BCAS3: variants seen among roughly 807,000 people sequenced by gnomAD.
The protein encoded by BCAS3 is BCAS4/BCAS3 fusion.
A neutral mutation model predicts 116.1 loss-of-function variants in BCAS3; 53 were observed. The observed-to-expected ratio is 0.46, with a 90% CI of 0.37 to 0.57. The LOEUF is 0.57. BCAS3 is among the 20% of genes least tolerant of loss of function. The pLI is 0.00. For missense variants in BCAS3, 917 were observed against 1,165.4 expected, an observed-to-expected ratio of 0.79 and a Z score of 3.10; for synonymous variants, 391 against 408.2, an observed-to-expected ratio of 0.96 and a Z score of 0.51.
chr17:60,918,342 TA>T (rs1161874045), intron 12 of BCAS3, among the ~76,000 whole-genome samples: 6 of 152,200 alleles, frequency 3.9e-5, no homozygotes, highest in African/African-American at 1.4e-4. Context: ...ATTTTTGGGG[TA>T]CATGTGATAT....
At position 61,282,865 on chromosome 17, in the gene BCAS3, G is replaced by A. The variant is rs1372371975; in HGVS notation, c.2426-85462G>A. ...AGGGAAATGCACAGAGCTTAAATGT[G>A]CAAGTAATTAAATGAGTTTTAGTGA... On this transcript the variant is annotated intron_variant, in intron 22 of 23. Transcript: ENST00000407086. The surrounding 1 kb of genome is among the most constrained non-coding windows in gnomAD (Gnocchi z 5.9). Among the ~76,000 whole-genome samples, 1 of 151,774 alleles carries A rather than the reference G, an allele frequency of 6.6e-6. No homozygotes were observed. The highest frequency in any genetic ancestry group is 2.4e-5 in the African/African-American group (1 of 41,322).
intron 5 of BCAS3, among the ~76,000 whole-genome samples, chr17:60,710,186 A>G (rs7215887): frequency 0.07 from 10,694 of 152,212 alleles, 1,259 homozygotes; most frequent in African/African-American, 0.24. Flanking sequence ...AGTTGAATTT[A>G]TACCTTTAAT....
At chr17:60,804,648 A>AT (rs550840657) in intron 6 of BCAS3, among the ~76,000 whole-genome samples, 6 of 151,366 alleles carry the variant, frequency 4.0e-5, no homozygotes, top group African/African-American at 1.5e-4. Context: ...TTGTAACTTG[A>AT]TTTTTTTTCA....
At chr17:60,747,838 A>G (rs2042134704) in intron 6 of BCAS3, among the ~76,000 whole-genome samples, 1 of 152,110 alleles carries the variant, frequency 6.6e-6, no homozygotes, top group South Asian at 2.1e-4. Flanking sequence ...GCTTTAATAG[A>G]GAATACTTCT....
chr17:60,859,966 G>A (rs1439559512), intron 7 of BCAS3, among the ~76,000 whole-genome samples: 1 of 152,178 alleles, frequency 6.6e-6, no homozygotes, highest in Non-Finnish European at 1.5e-5. Flanking sequence ...GAACATAGGA[G>A]TGCATGTGTC....
In BCAS3 at chr17:61,161,933, C is replaced by G. The variant is rs1318529736; in HGVS notation, c.2425+77369C>G. 1.3e-5 allele frequency among the ~76,000 whole-genome samples: 2 copies of G among 152,194 alleles called. No homozygotes were observed. Among genetic ancestry groups the G allele is most frequent in the Non-Finnish European group, 2.9e-5 (2 of 68,038 alleles). ...GGTCAGAATTCAATTATATTACTCT[C>G]TCTGAGGCAAAAAGCACACATTTAA... On this transcript the variant is annotated intron_variant, in intron 22 of 23. Coordinates refer to ENST00000407086, the MANE Select transcript of BCAS3 (RefSeq NM_017679.5). This position sits in a 1 kb window ranked among gnomAD's most constrained non-coding sequence, Gnocchi z 4.8.
chr17:60,755,032 G>T (rs898443899), intron 6 of BCAS3, among the ~76,000 whole-genome samples: 1 of 152,124 alleles, frequency 6.6e-6, no homozygotes, highest in African/African-American at 2.4e-5. Context: ...CAGGTAAATT[G>T]TAACTTGAGA....
Position 60,678,131 on chromosome 17 carries a change from G to A in BCAS3, c.-6+217G>A, listed in dbSNP as rs532841186. 2.0e-3 allele frequency among the ~76,000 whole-genome samples: 304 copies of A among 152,330 alleles called. 1 individual carries two copies. Among genetic ancestry groups the A allele is most frequent in the African/African-American group, 7.2e-3 (299 of 41,578 alleles). On this transcript the variant is annotated intron_variant, in intron 1 of 23. Transcript: ENST00000407086. ...GGCAGCGCCGTACGAGTGTCTTTCA[G>A]GAGACTGGGGCCTGAGTGGCTGGCG...
rs963346485 is a variant in BCAS3, at chr17:61,324,143, C to T, written c.2426-44184C>T. 1.3e-5 allele frequency among the ~76,000 whole-genome samples: 2 copies of T among 152,208 alleles called. No individual in the cohort carries two copies. Among genetic ancestry groups the T allele is most frequent in the African/African-American group, 4.8e-5 (2 of 41,448 alleles). On this transcript the variant is annotated intron_variant, in intron 22 of 23. Coordinates refer to ENST00000407086, the MANE Select transcript of BCAS3 (RefSeq NM_017679.5). The surrounding 1 kb of genome is among the most constrained non-coding windows in gnomAD (Gnocchi z 4.6). ...GACTCTTCCCATCAGGCTGCAAACT[C>T]CTCCAGAGGCAGGGACCCCATCCTT...
At chr17:61,142,051 T>C (rs1392376715) in intron 22 of BCAS3, among the ~76,000 whole-genome samples, 7 of 152,154 alleles carry the variant, frequency 4.6e-5, no homozygotes, top group Admixed American at 3.3e-4. Flanking sequence ...ATACACCTTC[T>C]CATTTATTGG....
At chr17:60,722,076 A>G (rs2039301397) in intron 5 of BCAS3, among the ~76,000 whole-genome samples, 1 of 152,194 alleles carries the variant, frequency 6.6e-6, no homozygotes, top group Admixed American at 6.6e-5. Flanking sequence ...ATATGAATAC[A>G]ATAAATTTTG....
At chr17:61,252,520 G>A (rs1232704388) in intron 22 of BCAS3, among the ~76,000 whole-genome samples, 2 of 151,890 alleles carry the variant, frequency 1.3e-5, no homozygotes, top group African/African-American at 2.4e-5. Context: ...CAGAGGGGCC[G>A]GAGGCAGGCA....
chr17:60,680,127 C>CT (rs1179219859), intron 2 of BCAS3, among the ~76,000 whole-genome samples: 2 of 87,304 alleles, frequency 2.3e-5, no homozygotes, highest in Non-Finnish European at 4.4e-5. Flanking sequence ...CAGCAAGACT[C>CT]TGTCTCCAAA....
chr17:60,996,897 C>G (rs58692065), intron 15 of BCAS3, among the ~76,000 whole-genome samples: 1 of 150,472 alleles, frequency 6.6e-6, no homozygotes, highest in African/African-American at 2.5e-5. Context: ...ATTCTACTGA[C>G]AGATCAATGA....
chr17:60,983,772 T>G (rs1006596515), intron 14 of BCAS3, among the ~76,000 whole-genome samples: 5 of 152,216 alleles, frequency 3.3e-5, no homozygotes. Context: ...GAACATAAAT[T>G]GCTCAATGAT....
At chr17:61,003,868 A>G (rs1568093151) in intron 15 of BCAS3, 1 of 152,160 alleles carries the variant, frequency 6.6e-6, no homozygotes, top group Non-Finnish European at 1.5e-5. Flanking sequence ...ATACCGCCTT[A>G]TAGGTATCAG....
intron 19 of BCAS3, among the ~76,000 whole-genome samples, chr17:61,045,988 T>TAATATATATA (rs1568213149): frequency 2.3e-4 from 2 of 8,570 alleles, no homozygotes; most frequent in African/African-American, 1.7e-3. Context: ...TATATATATA[T>TAATATATATA]TTATATATAT....
chr17:61,321,581 C>T (rs927070359), intron 22 of BCAS3, among the ~76,000 whole-genome samples: 3 of 152,222 alleles, frequency 2.0e-5, no homozygotes, highest in South Asian at 2.1e-4. Context: ...CCCTGCAGGC[C>T]GCCAGGCTGC....
chr17:61,014,906 A>G (rs1452897474), intron 15 of BCAS3, among the ~76,000 whole-genome samples: 1 of 152,176 alleles, frequency 6.6e-6, no homozygotes, highest in Admixed American at 6.5e-5. Context: ...AAAAGAATGA[A>G]ATAATTAGTA....
Sources: gnomAD v4.1 joint callset for allele counts (sites outside exome capture counted in the v4.1 genomes callset) on GRCh38, gnomAD v4.1.1 for gene constraint, Gnocchi (gnomAD v3.1) non-coding constraint, MANE v1.5 for transcripts, NCBI Gene and HGNC (gene_info 2026-07-23, HGNC 2026-07-21) for gene names.